The following UBAC1 variants were observed in gnomAD, a reference collection of about 807,000 sequenced individuals.
UBAC1 encodes UBA domain containing 1, also known as ubiquitin-associated domain-containing protein 1.
UBAC1 carries 27 observed loss-of-function variants against 45.9 expected under a neutral mutation model. The observed-to-expected ratio is 0.59, with a 90% CI of 0.43 to 0.81. The LOEUF (loss-of-function observed/expected upper bound fraction) is 0.81, where lower values mean the gene tolerates loss of function less well. Ranked by LOEUF, UBAC1 falls within the 30% of genes least tolerant of loss-of-function variation. The probability of loss-of-function intolerance (pLI) is 0.00; values close to 1 mark genes in which losing one functional copy is unlikely to be tolerated. For missense variants in UBAC1, 529 were observed against 539.2 expected (o/e 0.98, Z 0.19); for synonymous variants, 227 against 215.5 (o/e 1.05, Z -0.47).
rs373786482 is a variant in UBAC1 at position 135,938,291 on chromosome 9, G to T, written c.1033C>A (p.Pro345Thr). Residue 345 changes from proline to threonine, a missense_variant, in exon 9 of 10, where the codon CCT becomes ACT. Coordinates refer to ENST00000371756, the MANE Select transcript of UBAC1 (RefSeq NM_016172.3). Reference protein sequence around the residue: ...ELDKGIDPDSPLFQAILDNPV... With the variant: ...ELDKGIDPDSTLFQAILDNPV... ...TTATCCAGGATGGCCTGAAAGAGAG[G>T]ACTGTCGGGGTCGATGCCCTTGTCC... is the stretch of plus-strand genomic sequence containing the variant. 7.5e-5 allele frequency: 121 copies of T among 1,614,090 alleles called. No homozygotes were observed. The highest frequency in any genetic ancestry group is 9.9e-5 in the Non-Finnish European group (117 of 1,180,048).
intron 3 of UBAC1, among the ~76,000 whole-genome samples, chr9:135,950,683 G>A (rs1839396495): frequency 6.6e-6 from 1 of 152,134 alleles, no homozygotes; most frequent in Admixed American, 6.5e-5. Context: ...GAGAGAGGGA[G>A]GTACTATAGC....
At chr9:135,950,537 T>C (rs1839395027) in intron 3 of UBAC1, among the ~76,000 whole-genome samples, 1 of 152,146 alleles carries the variant, frequency 6.6e-6, no homozygotes, top group Non-Finnish European at 1.5e-5. Context: ...CAAATATTAA[T>C]TCCAGGAAAA....
chr9:135,938,300 G>T lies in UBAC1; in HGVS notation c.1024C>A (p.Pro342Thr), dbSNP rs576170454. The change falls in exon 9 of 10, where the codon CCC becomes ACC. Residue 342 changes from proline to threonine, a missense_variant. Physicochemically the swap from Pro to Thr is conservative, Grantham distance 38 (BLOSUM62 -1). Coordinates refer to ENST00000371756, the MANE Select transcript of UBAC1 (RefSeq NM_016172.3). ...ATGGCCTGAAAGAGAGGACTGTCGG[G>T]GTCGATGCCCTTGTCCAGCTCCTCC... Reference protein sequence around the residue: ...SPEELDKGIDPDSPLFQAILD... With the variant: ...SPEELDKGIDTDSPLFQAILD... 1.2e-4 allele frequency: 197 copies of T among 1,614,150 alleles called. 1 individual carries two copies. In the South Asian group the frequency reaches 2.1e-3, roughly 17 times the overall value.
intron 9 of UBAC1, among the ~76,000 whole-genome samples, chr9:135,937,020 G>T (rs868512214): frequency 1.3e-5 from 2 of 152,184 alleles, no homozygotes; most frequent in East Asian, 1.9e-4. Flanking sequence ...TGAGCGGAAG[G>T]TCTCTCACAG....
chr9:135,948,166 C>A, intron 3 of UBAC1: 3 of 401,596 alleles, frequency 7.5e-6, no homozygotes, highest in South Asian at 4.5e-5. Context: ...GGTCACAGAA[C>A]GACAACCACA....
intron 1 of UBAC1, among the ~76,000 whole-genome samples, chr9:135,960,357 C>T (rs1839518372): frequency 6.6e-6 from 1 of 152,144 alleles, no homozygotes; most frequent in Non-Finnish European, 1.5e-5. Context: ...CGAGGAGACC[C>T]TACTCCTGGG....
rs1839328979 is a variant in UBAC1, at chr9:135,946,001, C to T, written c.545-4G>A. 8.7e-6 allele frequency: 14 copies of T among 1,613,038 alleles called. No homozygotes were observed. The highest frequency in any genetic ancestry group is 1.2e-5 in the Non-Finnish European group (14 of 1,179,858). ...TCCTCGTCCTCGTCCAGCATTGCTG[C>T]AGGGAGACGACAGGGCCATGAGGGC... On this transcript the variant is annotated splice_polypyrimidine_tract_variant and splice_region_variant and intron_variant, in intron 5 of 9. Transcript: ENST00000371756.
intron 9 of UBAC1, among the ~76,000 whole-genome samples, chr9:135,936,782 C>G (rs1225197115): frequency 6.6e-6 from 1 of 152,066 alleles, no homozygotes; most frequent in East Asian, 1.9e-4. Context: ...CGTGAGCCAC[C>G]ACGCCCAGCC....
At chr9:135,938,123 G>T (rs1468055853) in intron 9 of UBAC1, 99 bp downstream of exon 9, 21 of 1,521,738 alleles carry the variant, frequency 1.4e-5, no homozygotes, top group Admixed American at 9.5e-5. Context: ...GATCCTCAGC[G>T]CTGGATCCTC....
At chr9:135,954,377 C>A (rs1839442259) in intron 2 of UBAC1, among the ~76,000 whole-genome samples, 1 of 151,928 alleles carries the variant, frequency 6.6e-6, no homozygotes, top group South Asian at 2.1e-4. Context: ...CCCAGGAGGT[C>A]AAGGCAACAG....
intron 1 of UBAC1, among the ~76,000 whole-genome samples, chr9:135,957,727 A>G (rs901764303): frequency 6.7e-6 from 1 of 150,068 alleles, no homozygotes. Context: ...TAACAGCTAT[A>G]CTAGCGGGTA....
intron 3 of UBAC1, among the ~76,000 whole-genome samples, chr9:135,949,951 A>G (rs934465299): frequency 2.0e-5 from 3 of 152,156 alleles, no homozygotes; most frequent in Non-Finnish European, 4.4e-5. Context: ...GCTGGCTCTG[A>G]AGGAGGAGGA....
intron 8 of UBAC1, 145 bp from the exon 9 acceptor site, chr9:135,938,505 C>T (rs1457065901): frequency 6.5e-6 from 7 of 1,078,560 alleles, no homozygotes; most frequent in African/African-American, 1.6e-5. Context: ...GGGACTCTAC[C>T]GTGAAGACAA....
intron 9 of UBAC1, among the ~76,000 whole-genome samples, chr9:135,934,403 G>A (rs1465572243): frequency 1.3e-5 from 2 of 152,230 alleles, no homozygotes; most frequent in Non-Finnish European, 2.9e-5. Flanking sequence ...GCTCATGCCT[G>A]TAATTCCAAC....
intron 1 of UBAC1, among the ~76,000 whole-genome samples, chr9:135,960,000 A>C (rs1295432922): frequency 1.3e-5 from 2 of 152,212 alleles, no homozygotes; most frequent in Non-Finnish European, 2.9e-5. Context: ...TCACAAAAGC[A>C]ACTCGAAAGT....
chr9:135,946,246 G>A, intron 5 of UBAC1, 23 bp downstream of exon 5: 1 of 1,531,456 alleles, frequency 6.5e-7, no homozygotes, highest in South Asian at 1.1e-5. Flanking sequence ...GCCCTGGAAT[G>A]CAGCATCGGG....
Position 135,961,174 on chromosome 9 carries a change from C to A in UBAC1, c.-12G>T. ...TCCTGCACGAACATCCCGCCGCCGC[C>A]GCAGGGGCCTGCGCCCGCCACCCGG... is the stretch of plus-strand genomic sequence containing the variant. On this transcript the variant is annotated 5_prime_UTR_variant, in exon 1 of 10. Transcript: ENST00000371756. The A allele has an allele frequency of 6.5e-7, 1 of 1,531,402 alleles. No homozygotes were observed. 94.9% of individuals were successfully genotyped at this position (1,531,402 alleles called of 1,614,324 possible). A position where few individuals can be genotyped will look rare whatever the true frequency, so the allele number is the denominator to read the frequency against.
At chr9:135,960,017 T>C (rs964719929) in intron 1 of UBAC1, among the ~76,000 whole-genome samples, 2 of 152,192 alleles carry the variant, frequency 1.3e-5, no homozygotes, top group East Asian at 1.9e-4. Flanking sequence ...AAGTACTGTA[T>C]GCGAGCAGCT....
chr9:135,945,514 T>C (rs1300288190), intron 6 of UBAC1: 5 of 513,986 alleles, frequency 9.7e-6, no homozygotes, highest in South Asian at 3.2e-5. Context: ...AGGGCTTAGA[T>C]AGGGACCACA....
Sources: allele counts gnomAD v4.1 joint callset (sites outside exome capture counted in the v4.1 genomes callset), GRCh38; gene constraint gnomAD v4.1.1; transcripts MANE v1.5; gene names NCBI Gene and HGNC (gene_info 2026-07-23, HGNC 2026-07-21).